Variants in PDSS1 observed in about 807,000 individuals in gnomAD.
The protein encoded by PDSS1 is all trans-polyprenyl-diphosphate synthase PDSS1.
PDSS1 carries 43 observed loss-of-function variants against 57.5 expected under a neutral mutation model. The observed-to-expected ratio is 0.75, with a 90% CI of 0.59 to 0.96. The LOEUF is 0.96. Among genes scored for constraint, PDSS1 ranks in the 50% least tolerant of loss-of-function variants. The pLI is 0.00. For synonymous variants in PDSS1, 175 were observed against 191.3 expected (o/e 0.91, Z 0.70); for missense variants, 438 against 527.8 (o/e 0.83, Z 1.67).
At chr10:26,741,575 A>G (rs1317235017) in intron 10 of PDSS1, among the ~76,000 whole-genome samples, 1 of 151,934 alleles carries the variant, frequency 6.6e-6, no homozygotes, top group Admixed American at 6.6e-5. Flanking sequence ...GCTCAGATCC[A>G]CTCTACACAC....
rs115809401 is a variant in PDSS1, at chr10:26,730,723, G to A, written c.832-4517G>A. ...GTTTTCTTCCCCTACCCCCTTGTAG[G>A]TAAGCAGTCTCGTTCACTTCTGGTT... On this transcript the variant is annotated intron_variant, in intron 8 of 11. Coordinates refer to ENST00000376215, the MANE Select transcript of PDSS1 (RefSeq NM_014317.5). Among the ~76,000 whole-genome samples, 319 of 152,256 alleles carry A rather than the reference G, an allele frequency of 2.1e-3. 1 individual carries two copies. Among genetic ancestry groups the A allele is most frequent in the African/African-American group, 6.2e-3 (259 of 41,556 alleles).
chr10:26,720,669 C>T (rs925468716), intron 6 of PDSS1, among the ~76,000 whole-genome samples: 2 of 152,008 alleles, frequency 1.3e-5, no homozygotes, highest in African/African-American at 2.4e-5. Flanking sequence ...GCTTAGATTA[C>T]CCAGATTCAG....
At chr10:26,739,642 C>T (rs537822940) in intron 10 of PDSS1, among the ~76,000 whole-genome samples, 12 of 152,244 alleles carry the variant, frequency 7.9e-5, no homozygotes, top group African/African-American at 2.2e-4. Context: ...CAGATGCCTA[C>T]GAGAGAATCA....
At chr10:26,736,805 A>G (rs1836421778) in intron 10 of PDSS1, among the ~76,000 whole-genome samples, 1 of 152,224 alleles carries the variant, frequency 6.6e-6, no homozygotes, top group African/African-American at 2.4e-5. Context: ...TGCTGTAAAT[A>G]GGTCCTCTCT....
intron 6 of PDSS1, among the ~76,000 whole-genome samples, chr10:26,720,885 TG>T: frequency 6.6e-6 from 1 of 152,320 alleles, no homozygotes; most frequent in African/African-American, 2.4e-5. Context: ...ATTGGGAATA[TG>T]GGAAACAGGG....
At chr10:26,730,196 G>A (rs1281844424) in intron 8 of PDSS1, among the ~76,000 whole-genome samples, 1 of 152,002 alleles carries the variant, frequency 6.6e-6, no homozygotes, top group African/African-American at 2.4e-5. Context: ...ACAGGTGTGA[G>A]CCACCGCGCC....
chr10:26,698,332 G>A (rs1181706228), intron 1 of PDSS1, among the ~76,000 whole-genome samples: 4 of 152,262 alleles, frequency 2.6e-5, no homozygotes, highest in Admixed American at 1.3e-4. Flanking sequence ...GGAGAATGCA[G>A]GGCTGGTGCT....
At chr10:26,711,140 T>G (rs1414802112) in intron 5 of PDSS1, among the ~76,000 whole-genome samples, 1 of 95,568 alleles carries the variant, frequency 1.0e-5, no homozygotes, top group Non-Finnish European at 2.4e-5. Flanking sequence ...ATGGACTCAG[T>G]CTCAAAAAAA....
chr10:26,724,468 C>T (rs1051635762), intron 8 of PDSS1, among the ~76,000 whole-genome samples: 1 of 152,194 alleles, frequency 6.6e-6, no homozygotes, highest in African/African-American at 2.4e-5. Context: ...CTCTTTCTGA[C>T]ACTTCACCTT....
At chr10:26,727,583 C>T (rs1042723019) in intron 8 of PDSS1, among the ~76,000 whole-genome samples, 2 of 151,556 alleles carry the variant, frequency 1.3e-5, no homozygotes, top group Admixed American at 6.6e-5. Context: ...GCAACCTCCA[C>T]CTCCCAGGTT....
chr10:26,702,906 C>T (rs1027118517), intron 2 of PDSS1, among the ~76,000 whole-genome samples: 4 of 152,136 alleles, frequency 2.6e-5, no homozygotes, highest in African/African-American at 7.2e-5. Flanking sequence ...GAAACAAAAT[C>T]GGAATTAGAA....
chr10:26,736,684 G>C (rs180671782), intron 10 of PDSS1, among the ~76,000 whole-genome samples: 43 of 152,268 alleles, frequency 2.8e-4, no homozygotes, highest in Admixed American at 8.5e-4. Flanking sequence ...TTGGCAGCTT[G>C]CTAAGGCTAT....
chr10:26,715,407 T>G (rs1242102027), intron 5 of PDSS1: 1 of 137,750 alleles, frequency 7.3e-6, no homozygotes, highest in Admixed American at 7.2e-5. Flanking sequence ...ACTCCTATAC[T>G]TTTTTTTTTT....
At chr10:26,738,162 A>G (rs1836467635) in intron 10 of PDSS1, among the ~76,000 whole-genome samples, 1 of 152,272 alleles carries the variant, frequency 6.6e-6, no homozygotes, top group South Asian at 2.1e-4. Flanking sequence ...AGATTAATTC[A>G]GGTAAAAACA....
intron 10 of PDSS1, among the ~76,000 whole-genome samples, chr10:26,737,289 C>T (rs1313648592): frequency 6.6e-6 from 1 of 152,128 alleles, no homozygotes; most frequent in Non-Finnish European, 1.5e-5. Flanking sequence ...CTGGCCTCTT[C>T]GGACTGTGTT....
intron 5 of PDSS1, among the ~76,000 whole-genome samples, chr10:26,716,319 G>A (rs141315819): frequency 6.6e-6 from 1 of 152,272 alleles, no homozygotes; most frequent in East Asian, 1.9e-4. Flanking sequence ...AAAACCACAT[G>A]TAAACCTCGT....
chr10:26,724,178 C>A, intron 8 of PDSS1, 55 bp downstream of exon 8: 1 of 1,178,992 alleles, frequency 8.5e-7, no homozygotes, highest in South Asian at 1.2e-5. Context: ...TTTTTGGGAG[C>A]TAATTTTCCT....
chr10:26,736,299 A>T (rs1281513279), intron 10 of PDSS1, among the ~76,000 whole-genome samples: 1 of 152,218 alleles, frequency 6.6e-6, no homozygotes, highest in African/African-American at 2.4e-5. Flanking sequence ...GAAATAAGTG[A>T]GACATTAGCT....
rs144149122 is a variant in PDSS1 at position 26,720,303 on chromosome 10, G to A, written c.553G>A (p.Asp185Asn). Residue 185 changes from aspartate (D) to asparagine (N), a missense_variant, in exon 6 of 12, where the codon GAT (aspartate) becomes AAT (asparagine). Physicochemically the swap from Asp to Asn is conservative, Grantham distance 23. Around this residue, in one of 2 missense-constraint regions of PDSS1, gnomAD observed 284 missense variants for 390.7 expected, o/e 0.73. Transcript: ENST00000376215. ...TCTGGTTCACGATGACGTTATTGAC[G>A]ATGCAAGTTCTCGAAGAGGAAAACA... ...ASLVHDDVID[D>N]ASSRRGKHTV... is the part of the protein sequence containing the mutation. 56 of 1,613,936 alleles carry A rather than the reference G, an allele frequency of 3.5e-5. No individual in the cohort carries two copies. Among genetic ancestry groups the A allele is most frequent in the South Asian group, 7.7e-5 (7 of 91,082 alleles).
Sources: allele counts gnomAD v4.1 joint callset (sites outside exome capture counted in the v4.1 genomes callset), GRCh38; gene constraint gnomAD v4.1.1; regional missense constraint gnomAD v4.1.1; transcripts MANE v1.5; gene names NCBI Gene and HGNC (gene_info 2026-07-23, HGNC 2026-07-21).